TRIM54: variants seen among roughly 807,000 people sequenced by gnomAD.
The protein encoded by TRIM54 is tripartite motif containing 54, also known as tripartite motif-containing protein 54.
Under a neutral mutation model 42.0 loss-of-function variants are expected in TRIM54, and 40 were observed. That is an observed-to-expected ratio of 0.95 (90% CI 0.74 to 1.24). The LOEUF (loss-of-function observed/expected upper bound fraction) is 1.24. TRIM54 is among the 50% of genes most tolerant of loss of function. The pLI, the probability that TRIM54 is intolerant of heterozygous loss-of-function variation, is 0.00. For synonymous variants in TRIM54, 199 were observed against 194.9 expected (o/e 1.02, Z -0.17); for missense variants, 485 against 480.3 (o/e 1.01, Z -0.09).
In TRIM54 at chr2:27,304,983, A is replaced by ATGC; in HGVS notation, c.541_543dup (p.Leu181dup). 6.2e-7 allele frequency: 1 copy of ATGC among 1,614,140 alleles called. No individual in the cohort carries two copies. On this transcript the variant is annotated inframe_insertion, in exon 4 of 9. Transcript: ENST00000380075. ...GAGTGAGCTCAGCGATGGCATCGCG[A>ATGC]TGCTGGTGGCAGGCAATGACCGCGT... is the stretch of plus-strand genomic sequence containing the variant.
chr2:27,290,450 G>A (rs1452646615), intron 1 of TRIM54, among the ~76,000 whole-genome samples: 4 of 152,176 alleles, frequency 2.6e-5, no homozygotes, highest in African/African-American at 9.6e-5. Flanking sequence ...GGCAGATCAC[G>A]AGGTCAGGAG....
At position 27,305,742 on chromosome 2, in the gene TRIM54, C is replaced by G. The variant is rs772566926; in HGVS notation, c.768C>G (p.His256Gln). 1.2e-6 allele frequency: 2 copies of G among 1,611,928 alleles called. No homozygotes were observed. Among genetic ancestry groups the G allele is most frequent in the Non-Finnish European group, 1.7e-6 (2 of 1,179,076 alleles). Residue 256 changes from histidine to glutamine, a missense_variant, in exon 5 of 9, where the codon CAC becomes CAG. Coordinates refer to ENST00000380075, the MANE Select transcript of TRIM54 (RefSeq NM_187841.3). ...VRGLIRQYGD[H>Q]LEASSKLVES... is the part of the protein sequence containing the mutation. Reference sequence around the variant, plus strand: ...GCCTCATCCGTCAGTATGGCGACCACCTGGAGGCCTCCTCTAAGCTGGTGG... The same window carrying G: ...GCCTCATCCGTCAGTATGGCGACCAGCTGGAGGCCTCCTCTAAGCTGGTGG...
chr2:27,282,853 C>T lies in TRIM54; in HGVS notation c.122C>T (p.Pro41Leu). 1 of 1,613,870 alleles carries T rather than the reference C, an allele frequency of 6.2e-7. No homozygotes were observed. Among genetic ancestry groups the T allele is most frequent in the Admixed American group, 1.7e-5 (1 of 59,972 alleles). ...TTCTCCAAACCAGTGGTGATCCTGC[C>T]CTGCCAACACAACCTGTGCCGCAAA... ...EMFSKPVVILPCQHNLCRKCA... is the reference protein window; with the variant it reads ...EMFSKPVVILLCQHNLCRKCA... Residue 41 changes from proline (P) to leucine (L), a missense_variant, in exon 1 of 9, where the codon CCC (proline) becomes CTC (leucine). By Grantham distance (98) the Pro-to-Leu change is moderately conservative. Transcript: ENST00000380075.
intron 1 of TRIM54, among the ~76,000 whole-genome samples, chr2:27,290,076 T>C (rs1345651456): frequency 2.6e-5 from 4 of 151,830 alleles, no homozygotes; most frequent in Non-Finnish European, 5.9e-5. Context: ...CTCATCATGT[T>C]GGCCAGGCTG....
At position 27,306,861 on chromosome 2, in the gene TRIM54, C is replaced by T; in HGVS notation, c.*2-26C>T. ...GCCTCGTGCCTTCGCAGCACCCGCC[C>T]ACCGAGCCTTCTTTCCCGGGCACAG... On this transcript the variant is annotated intron_variant, in intron 8 of 8. Transcript: ENST00000380075. The surrounding 1 kb of genome is among the most constrained non-coding windows in gnomAD (Gnocchi z 6.1). 1 of 445,492 alleles carries T rather than the reference C, an allele frequency of 2.2e-6. No homozygotes were observed. The highest frequency in any genetic ancestry group is 4.0e-6 in the Non-Finnish European group (1 of 248,938). 27.6% of individuals were successfully genotyped at this position (445,492 alleles called of 1,614,324 possible). A position where few individuals can be genotyped will look rare whatever the true frequency, so the allele number is the denominator to read the frequency against.
In TRIM54 at chr2:27,298,616, G is replaced by C. The variant is rs375389179; in HGVS notation, c.218G>C (p.Gly73Ala). 3.7e-6 allele frequency: 6 copies of C among 1,614,024 alleles called. No individual in the cohort carries two copies. In the African/African-American group the frequency reaches 6.7e-5, roughly 18 times the overall value. Residue 73 changes from glycine to alanine, a missense_variant, in exon 2 of 9, where the codon GGA becomes GCA. Coordinates refer to ENST00000380075, the MANE Select transcript of TRIM54 (RefSeq NM_187841.3). The stretch of plus-strand genomic sequence containing the variant: ...CGGGGCTCCACCACTGTGTCTTCAG[G>C]AGGCCGTTTCCGCTGCCCATCGTGC... ...QSRGSTTVSSGGRFRCPSCRH... is the reference protein window; with the variant it reads ...QSRGSTTVSSAGRFRCPSCRH...
intron 5 of TRIM54, 103 bp from the exon 6 acceptor site, chr2:27,305,977 C>A: frequency 6.7e-7 from 1 of 1,496,556 alleles, no homozygotes; most frequent in Non-Finnish European, 9.1e-7. Flanking sequence ...CGAATTGGGA[C>A]GTGCCTTCCC....
At position 27,282,684 on chromosome 2, in the gene TRIM54, G is replaced by A; in HGVS notation, c.-48G>A. 1 of 1,571,704 alleles carries A rather than the reference G, an allele frequency of 6.4e-7. No individual in the cohort carries two copies. The highest frequency in any genetic ancestry group is 8.6e-7 in the Non-Finnish European group (1 of 1,162,230). On this transcript the variant is annotated 5_prime_UTR_variant, in exon 1 of 9. Coordinates refer to ENST00000380075, the MANE Select transcript of TRIM54 (RefSeq NM_187841.3). Reference sequence around the variant, plus strand: ...AAGCGAGGAAGGGTCTACAGGCAGTGAGTGAAGGCCAGGAGCAGGGCCCAG... The same window carrying A: ...AAGCGAGGAAGGGTCTACAGGCAGTAAGTGAAGGCCAGGAGCAGGGCCCAG...
chr2:27,287,931 G>A (rs1193661291), intron 1 of TRIM54, among the ~76,000 whole-genome samples: 2 of 152,162 alleles, frequency 1.3e-5, no homozygotes, highest in Non-Finnish European at 2.9e-5. Context: ...TCCATTCTGT[G>A]ACCAGTGTCC....
rs537262256 is a variant in TRIM54 at position 27,305,006 on chromosome 2, C to A, written c.561C>A (p.Arg187=). 16 of 1,614,006 alleles carry A rather than the reference C, an allele frequency of 9.9e-6. No individual in the cohort carries two copies. In the South Asian group the frequency reaches 1.4e-4, roughly 14 times the overall value. Residue 187 remains arginine, a synonymous_variant, in exon 4 of 9, where the codon CGC becomes CGA. Transcript: ENST00000380075. ...CGATGCTGGTGGCAGGCAATGACCG[C>A]GTGCAAGCAGTGATCACACAGATGG... is the stretch of plus-strand genomic sequence containing the variant. The part of the protein sequence containing the change: ...GIAMLVAGND[R]VQAVITQMEE...
At chr2:27,299,538 T>C (rs1303754175) in intron 3 of TRIM54, 122 bp downstream of exon 3, 2 of 1,534,764 alleles carry the variant, frequency 1.3e-6, no homozygotes, top group South Asian at 1.2e-5. Flanking sequence ...AGAAACAGGA[T>C]CTCACTCTGT....
rs78642468 is a variant in TRIM54, at chr2:27,296,007, G to T, written c.169-2560G>T. Among the ~76,000 whole-genome samples, 31 of 152,274 alleles carry T rather than the reference G, an allele frequency of 2.0e-4. No individual in the cohort carries two copies. In the East Asian group the frequency reaches 5.8e-3, roughly 28 times the overall value. ...GCCTTGAATTATCTCAAACTAATCT[G>T]CCCCAGGTTTATGATGGGCTTAAAG... On this transcript the variant is annotated intron_variant, in intron 1 of 8. Transcript: ENST00000380075.
rs368576592 is a variant in TRIM54 at position 27,305,683 on chromosome 2, C to T, written c.709C>T (p.Arg237Trp). The T allele has an allele frequency of 2.7e-5, 43 of 1,613,008 alleles. 2 individuals carry two copies. Among genetic ancestry groups the T allele is most frequent in the Admixed American group, 2.0e-4 (12 of 59,912 alleles). Residue 237 changes from arginine (R) to tryptophan (W), a missense_variant, in exon 5 of 9, where the codon CGG (arginine) becomes TGG (tryptophan). Physicochemically the swap from Arg to Trp is moderately radical, Grantham distance 101. Transcript: ENST00000380075. The part of the protein sequence containing the change: ...RKGELLQALA[R>W]EQEEKLQRVR... ...GGGTGAGCTGCTGCAGGCGCTGGCCCGGGAGCAAGAGGAGAAGCTGCAGCG... is the reference window on the plus strand; with the variant it reads ...GGGTGAGCTGCTGCAGGCGCTGGCCTGGGAGCAAGAGGAGAAGCTGCAGCG...
At chr2:27,304,225 TAG>T (rs1558590510) in intron 3 of TRIM54, among the ~76,000 whole-genome samples, 35 of 78,526 alleles carry the variant, frequency 4.5e-4, no homozygotes, top group Admixed American at 6.8e-4. Flanking sequence ...TATATATATA[TAG>T]ATAGATAGAT....
chr2:27,300,587 A>ATAATAATATTTATTAGTAGTAGTAC lies in TRIM54; in HGVS notation c.513+1195_513+1196insCTAATAATATTTATTAGTAGTAGTA, dbSNP rs1558588665. ...ATATTTATTAGTAGTAGTAGTACTA[A>ATAATAATATTTATTAGTAGTAGTAC]TAATAATATTTATTAGTAGTAGTAG... is the stretch of plus-strand genomic sequence containing the variant. On this transcript the variant is annotated intron_variant, in intron 3 of 8. Transcript: ENST00000380075. Among the ~76,000 whole-genome samples the ATAATAATATTTATTAGTAGTAGTAC allele has an allele frequency of 9.1e-4, 138 of 152,188 alleles. 1 individual carries two copies. The highest frequency in any genetic ancestry group is 3.0e-3 in the African/African-American group (125 of 41,506).
Position 27,306,745 on chromosome 2 carries a change from T to C in TRIM54, c.*2-142T>C. 1.6e-6 allele frequency: 1 copy of C among 613,426 alleles called. No homozygotes were observed. The highest frequency in any genetic ancestry group is 2.8e-6 in the Non-Finnish European group (1 of 353,328). 38.0% of individuals were successfully genotyped at this position (613,426 alleles called of 1,614,324 possible). A position where few individuals can be genotyped will look rare whatever the true frequency, so the allele number is the denominator to read the frequency against. On this transcript the variant is annotated intron_variant, in intron 8 of 8. Transcript: ENST00000380075. This position sits in a 1 kb window ranked among gnomAD's most constrained non-coding sequence, Gnocchi z 6.1. ...AAAGTACACTTTCCTCCTCACCCGCTGTTCCTCTGGGGTGCTGGGAGGGCA... is the reference window on the plus strand; with the variant it reads ...AAAGTACACTTTCCTCCTCACCCGCCGTTCCTCTGGGGTGCTGGGAGGGCA...
At chr2:27,298,859 T>C (rs534931158) in intron 2 of TRIM54, 120 bp downstream of exon 2, 73 of 1,115,782 alleles carry the variant, frequency 6.5e-5, no homozygotes, top group Admixed American at 6.2e-4. Context: ...CTAGAGACCA[T>C]AGGACTGGAT....
In TRIM54 at chr2:27,302,684, G is replaced by A. The variant is rs549780779; in HGVS notation, c.514-2275G>A. 3.3e-5 allele frequency among the ~76,000 whole-genome samples: 5 copies of A among 152,044 alleles called. No homozygotes were observed. In the East Asian group the frequency reaches 7.8e-4, roughly 24 times the overall value. ...CAGTCGCCTGTAATCCCAGCTACTCGGGAGGCTGAGGCAGGAGAATCACTT... is the reference window on the plus strand; with the variant it reads ...CAGTCGCCTGTAATCCCAGCTACTCAGGAGGCTGAGGCAGGAGAATCACTT... On this transcript the variant is annotated intron_variant, in intron 3 of 8. Coordinates refer to ENST00000380075, the MANE Select transcript of TRIM54 (RefSeq NM_187841.3).
Position 27,307,398 on chromosome 2 carries a change from A to G in TRIM54, c.*513A>G. On this transcript the variant is annotated 3_prime_UTR_variant, in exon 9 of 9. Transcript: ENST00000380075. The surrounding 1 kb of genome is among the most constrained non-coding windows in gnomAD (Gnocchi z 6.9). The stretch of plus-strand genomic sequence containing the variant: ...TGCCCTGCCTCTACGACAAAAGCCA[A>G]CGGGTCTTCAGTACTTTTATTAAAA... The G allele has an allele frequency of 6.9e-7, 1 of 1,451,706 alleles. No individual in the cohort carries two copies. Among genetic ancestry groups the G allele is most frequent in the Non-Finnish European group, 9.1e-7 (1 of 1,094,722 alleles). The allele number at this position is 1,451,706 out of a possible 1,614,324, so 89.9% of individuals were successfully genotyped here. A position where few individuals can be genotyped will look rare whatever the true frequency, so the allele number is the denominator to read the frequency against.
Sources: allele counts gnomAD v4.1 joint callset (sites outside exome capture counted in the v4.1 genomes callset), GRCh38; gene constraint gnomAD v4.1.1; non-coding constraint Gnocchi (gnomAD v3.1); transcripts MANE v1.5; gene names NCBI Gene and HGNC (gene_info 2026-07-23, HGNC 2026-07-21).